Variants in VGLL4 observed in about 807,000 individuals in gnomAD.
The protein encoded by VGLL4 is vestigial like family member 4.
In VGLL4, 7 loss-of-function variants were observed where a neutral mutation model predicts 21.0. That is an observed-to-expected ratio of 0.33 (90% CI 0.19 to 0.63). VGLL4 has a LOEUF of 0.63. Among genes scored for constraint, VGLL4 ranks in the 20% least tolerant of loss-of-function variants. The probability of loss-of-function intolerance (pLI) is 0.78; values close to 1 mark genes in which losing one functional copy is unlikely to be tolerated. For missense variants in VGLL4, 394 were observed against 425.7 expected (o/e 0.93, Z 0.66); for synonymous variants, 222 against 173.2 (o/e 1.28, Z -2.21).
chr3:11,594,076 G>C (rs1159069979), intron 2 of VGLL4, among the ~76,000 whole-genome samples: 1 of 152,234 alleles, frequency 6.6e-6, no homozygotes, highest in Non-Finnish European at 1.5e-5. Flanking sequence ...CCTAGAGACA[G>C]GGTCCAATTC....
intron 1 of VGLL4, among the ~76,000 whole-genome samples, chr3:11,709,435 T>TCAAAAAAAAAAAAAAAAAAAAAA (rs1228813940): frequency 2.8e-5 from 3 of 108,836 alleles, no homozygotes; most frequent in African/African-American, 1.0e-4. Flanking sequence ...AGACTCCGTC[T>TCAAAAAAAAAAAAAAAAAAAAAA]AAAAAAAAAA....
In VGLL4 at chr3:11,643,669, TA is replaced by T. The variant is rs34152653; in HGVS notation, c.-152del. 51,455 of 1,199,378 alleles carry T rather than the reference TA, an allele frequency of 0.043. No homozygotes were observed. Among genetic ancestry groups the T allele is most frequent in the South Asian group, 0.11 (5,797 of 53,984 alleles). 74.3% of individuals were successfully genotyped at this position (1,199,378 alleles called of 1,614,324 possible). ...CTATCAAAACAAAGTATGCAAAAGT[TA>T]AAAAAAAAAAAATCAGGCACAAAAA... On this transcript the variant is annotated 5_prime_UTR_variant, in exon 1 of 5. Transcript: ENST00000430365.
chr3:11,638,938 A>T (rs1490809626), intron 1 of VGLL4, among the ~76,000 whole-genome samples: 1 of 152,212 alleles, frequency 6.6e-6, no homozygotes, highest in Non-Finnish European at 1.5e-5. Context: ...CCCGTGATGA[A>T]ACAAGGGATA....
chr3:11,636,720 A>G (rs757939235), intron 1 of VGLL4, among the ~76,000 whole-genome samples: 1 of 152,210 alleles, frequency 6.6e-6, no homozygotes, highest in Non-Finnish European at 1.5e-5. Context: ...AAAACTGTGC[A>G]GAATTTTCTC....
At chr3:11,656,518 G>C (rs541704358) in intron 2 of VGLL4, among the ~76,000 whole-genome samples, 1 of 152,304 alleles carries the variant, frequency 6.6e-6, no homozygotes, top group East Asian at 1.9e-4. Flanking sequence ...GCAGAGCTCA[G>C]CCTGCTGTGG....
At chr3:11,656,225 T>C (rs1014799720) in intron 2 of VGLL4, among the ~76,000 whole-genome samples, 5 of 152,192 alleles carry the variant, frequency 3.3e-5, no homozygotes, top group Admixed American at 1.3e-4. Context: ...ACGAGGTCCA[T>C]TCACCACACA....
At chr3:11,616,004 C>T (rs1442825409) in intron 1 of VGLL4, among the ~76,000 whole-genome samples, 4 of 152,224 alleles carry the variant, frequency 2.6e-5, no homozygotes, top group Non-Finnish European at 4.4e-5. Context: ...AGTCTTCGAA[C>T]GTGGCCACCC....
chr3:11,603,064 G>A (rs2074846260), intron 1 of VGLL4, among the ~76,000 whole-genome samples: 1 of 152,168 alleles, frequency 6.6e-6, no homozygotes, highest in African/African-American at 2.4e-5. Context: ...AGGCCTTGTG[G>A]TACCTAAGAA....
intron 1 of VGLL4, among the ~76,000 whole-genome samples, chr3:11,715,376 T>C (rs1487256544): frequency 2.0e-5 from 3 of 152,092 alleles, no homozygotes; most frequent in East Asian, 1.9e-4. Context: ...ATCTGTCGCC[T>C]AGGCTGGAGT....
intron 1 of VGLL4, among the ~76,000 whole-genome samples, chr3:11,615,082 A>G (rs1025313137): frequency 1.3e-5 from 2 of 152,168 alleles, no homozygotes; most frequent in African/African-American, 4.8e-5. Context: ...TTTCACCCAT[A>G]AATACTTAAG....
At chr3:11,588,686 G>C (rs1490370199) in intron 2 of VGLL4, among the ~76,000 whole-genome samples, 1 of 152,260 alleles carries the variant, frequency 6.6e-6, no homozygotes, top group African/African-American at 2.4e-5. Flanking sequence ...GGAGGAAGGA[G>C]GAGGCAACGT....
chr3:11,678,243 A>G (rs2076322422), intron 2 of VGLL4, among the ~76,000 whole-genome samples: 1 of 152,142 alleles, frequency 6.6e-6, no homozygotes, highest in Admixed American at 6.5e-5. Context: ...TTTAGTAGAG[A>G]TGAGGTTTCA....
rs62245780 is a variant in VGLL4 at position 11,628,591 on chromosome 3, C to T, written c.82+14846G>A. 2.0e-3 allele frequency among the ~76,000 whole-genome samples: 300 copies of T among 151,966 alleles called. No individual in the cohort carries two copies. In the Middle Eastern group the frequency reaches 0.027, roughly 14 times the overall value. ...ATCCCAGCACTTTGGGAGGCCAAGG[C>T]GGGCGGATCACGAGGTCAGGAGATT... On this transcript the variant is annotated intron_variant, in intron 1 of 4. Transcript: ENST00000430365.
At chr3:11,608,618 TAGAA>T (rs1345946048) in intron 1 of VGLL4, among the ~76,000 whole-genome samples, 3 of 152,140 alleles carry the variant, frequency 2.0e-5, no homozygotes, top group Non-Finnish European at 4.4e-5. Flanking sequence ...AAAGTCAAAA[TAGAA>T]AGAGGGGAGG....
chr3:11,657,256 C>G (rs1373533317), intron 2 of VGLL4, among the ~76,000 whole-genome samples: 2 of 152,106 alleles, frequency 1.3e-5, no homozygotes, highest in Non-Finnish European at 2.9e-5. Flanking sequence ...CCACTCTTCC[C>G]CACCCAACCA....
chr3:11,604,862 A>T (rs1434555670), intron 1 of VGLL4, among the ~76,000 whole-genome samples: 1 of 144,264 alleles, frequency 6.9e-6, no homozygotes, highest in African/African-American at 2.5e-5. Context: ...AGCAAAACTC[A>T]AGGTATGTAC....
chr3:11,559,367 G>A lies in VGLL4; in HGVS notation c.584C>T (p.Ala195Val), dbSNP rs768610184. Residue 195 changes from alanine to valine, a missense_variant, in exon 4 of 5, where the codon GCG becomes GTG. Ala to Val is a moderately conservative substitution (Grantham distance 64). Coordinates refer to ENST00000430365, the MANE Select transcript of VGLL4 (RefSeq NM_001128219.3). ...CCTCCGGTAGCTGGCAGGCCCGGGC[G>A]CGGCACAGCCGCTGTGCGCGATGGG... Reference protein sequence around the residue: ...HCPIAHSGCAAPGPASYRRPP... With the variant: ...HCPIAHSGCAVPGPASYRRPP... 1.9e-5 allele frequency: 29 copies of A among 1,551,702 alleles called. No individual in the cohort carries two copies. The highest frequency in any genetic ancestry group is 4.9e-5 in the East Asian group (2 of 41,236).
Position 11,559,408 on chromosome 3 carries a change from G to A in VGLL4, c.543C>T (p.Cys181=), listed in dbSNP as rs372048791. The change falls in exon 4 of 5, where the codon TGC becomes TGT. Residue 181 remains cysteine, a synonymous_variant. Coordinates refer to ENST00000430365, the MANE Select transcript of VGLL4 (RefSeq NM_001128219.3). ...ITCASAGARN[C]NLSHCPIAHS... is the part of the protein sequence containing the mutation. Reference sequence around the variant, plus strand: ...GCGCGATGGGGCAGTGCGAGAGGTTGCAGTTGCGGGCGCCAGCCGAGGCAC... The same window carrying A: ...GCGCGATGGGGCAGTGCGAGAGGTTACAGTTGCGGGCGCCAGCCGAGGCAC... The A allele has an allele frequency of 2.0e-5, 32 of 1,562,844 alleles. No individual in the cohort carries two copies. Among genetic ancestry groups the A allele is most frequent in the Non-Finnish European group, 2.7e-5 (31 of 1,154,758 alleles).
intron 1 of VGLL4, chr3:11,610,876 T>G (rs2075047990): frequency 6.6e-6 from 1 of 152,242 alleles, no homozygotes; most frequent in Non-Finnish European, 1.5e-5. Flanking sequence ...CATGATCTAT[T>G]GTTCTGACTT....
Sources: allele counts gnomAD v4.1 joint callset (sites outside exome capture counted in the v4.1 genomes callset), GRCh38; gene constraint gnomAD v4.1.1; transcripts MANE v1.5; gene names NCBI Gene and HGNC (gene_info 2026-07-23, HGNC 2026-07-21).